AUTS2: variants seen among roughly 807,000 people sequenced by gnomAD.
The protein encoded by AUTS2 is autism susceptibility gene 2 protein.
A neutral mutation model predicts 112.4 loss-of-function variants in AUTS2; 17 were observed. That is an observed-to-expected ratio of 0.15 (90% confidence interval 0.10 to 0.23). The LOEUF is 0.23. Ranked by LOEUF, AUTS2 falls within the 10% of genes least tolerant of loss-of-function variation. The pLI is 1.00. For synonymous variants in AUTS2, 751 were observed against 702.7 expected (o/e 1.07, Z -1.09); for missense variants, 1,510 against 1,701.6 (o/e 0.89, Z 1.98).
intron 2 of AUTS2, among the ~76,000 whole-genome samples, chr7:70,085,167 A>T (rs12698845): frequency 0.099 from 15,018 of 152,150 alleles, 798 homozygotes; most frequent in East Asian, 0.12. Flanking sequence ...TGGTGAATAT[A>T]ATCTATCAAC....
At chr7:70,473,335 C>A (rs2115957581) in intron 5 of AUTS2, among the ~76,000 whole-genome samples, 1 of 152,252 alleles carries the variant, frequency 6.6e-6, no homozygotes, top group South Asian at 2.1e-4. Flanking sequence ...GGCCTGGCAA[C>A]AAACCTGCAT....
Position 70,118,245 on chromosome 7 carries a change from TAAAAAAAAAA to T in AUTS2, c.624+25_624+34del, listed in dbSNP as rs11418386. The T allele has an allele frequency of 1.2e-5, 16 of 1,323,398 alleles. No homozygotes were observed. The highest frequency in any genetic ancestry group is 1.1e-4 in the East Asian group (4 of 35,178). The allele number at this position is 1,323,398 out of a possible 1,614,324, so 82.0% of individuals were successfully genotyped here. ...AAAGGCTCAGTGATGTAAGTTTAAG[TAAAAAAAAAA>T]AAAAAAAAAAAATTAACGAAAACCA... On this transcript the variant is annotated intron_variant, in intron 3 of 18. Transcript: ENST00000342771.
chr7:69,990,647 T>A (rs1454344814), intron 2 of AUTS2, among the ~76,000 whole-genome samples: 1 of 152,228 alleles, frequency 6.6e-6, no homozygotes. Context: ...TTACATAGTT[T>A]CTGGCTTCAG....
intron 2 of AUTS2, among the ~76,000 whole-genome samples, chr7:70,108,284 A>T (rs146578707): frequency 1.2e-4 from 18 of 152,342 alleles, no homozygotes; most frequent in African/African-American, 4.3e-4. Context: ...TTGCAACCAA[A>T]GTATTTTATA....
intron 1 of AUTS2, among the ~76,000 whole-genome samples, chr7:69,788,852 T>C (rs1048188466): frequency 4.6e-5 from 7 of 151,656 alleles, no homozygotes; most frequent in African/African-American, 1.7e-4. Context: ...TCAAATACAC[T>C]GGGGAACAAA....
intron 1 of AUTS2, among the ~76,000 whole-genome samples, chr7:69,625,756 G>A (rs530579242): frequency 6.6e-6 from 1 of 152,224 alleles, no homozygotes; most frequent in South Asian, 2.1e-4. Flanking sequence ...TACTCGGGAG[G>A]CTGAGGCAGT....
intron 1 of AUTS2, among the ~76,000 whole-genome samples, chr7:69,787,934 A>G (rs747589129): frequency 2.0e-5 from 3 of 152,126 alleles, no homozygotes; most frequent in Non-Finnish European, 4.4e-5. Flanking sequence ...AATGAAGTGG[A>G]ACTTTTATTA....
intron 5 of AUTS2, among the ~76,000 whole-genome samples, chr7:70,686,654 C>T (rs979051828): frequency 6.2e-4 from 94 of 152,006 alleles, no homozygotes; most frequent in Non-Finnish European, 7.9e-4. Context: ...CCTCAGCCTC[C>T]CCCGAGAAGC....
At chr7:70,197,486 C>G (rs1810244081) in intron 4 of AUTS2, among the ~76,000 whole-genome samples, 1 of 137,120 alleles carries the variant, frequency 7.3e-6, no homozygotes, top group Non-Finnish European at 1.6e-5. Flanking sequence ...TGTGTGTGCG[C>G]ACCGTGCGCG....
rs1584115189 is a variant in AUTS2, at chr7:69,712,369, T to TA, written c.309+112408dup. On this transcript the variant is annotated intron_variant, in intron 1 of 18. Coordinates refer to ENST00000342771, the MANE Select transcript of AUTS2 (RefSeq NM_015570.4). ...TTTCTTCACGCTCCTTTGGAATACT[T>TA]ACTTCTACTTCTCTTCTTTCCTTGT... is the stretch of plus-strand genomic sequence containing the variant. Among the ~76,000 whole-genome samples, 3 of 152,336 alleles carry TA rather than the reference T, an allele frequency of 2.0e-5. No homozygotes were observed. In the East Asian group the frequency reaches 5.8e-4, roughly 29 times the overall value.
intron 2 of AUTS2, among the ~76,000 whole-genome samples, chr7:69,927,557 C>T (rs1223471717): frequency 6.6e-6 from 1 of 152,194 alleles, no homozygotes; most frequent in Non-Finnish European, 1.5e-5. Flanking sequence ...CTCATTCCTG[C>T]TGGGCTCATT....
chr7:69,787,266 C>CT (rs762963236), intron 1 of AUTS2, among the ~76,000 whole-genome samples: 1 of 152,160 alleles, frequency 6.6e-6, no homozygotes, highest in Non-Finnish European at 1.5e-5. Flanking sequence ...ATAACATAGT[C>CT]TATTTCAGGA....
intron 5 of AUTS2, among the ~76,000 whole-genome samples, chr7:70,506,230 G>T (rs79015297): frequency 2.0e-5 from 3 of 152,206 alleles, no homozygotes; most frequent in African/African-American, 7.2e-5. Flanking sequence ...AAAGAGCAGG[G>T]CAAGGGGGTG....
intron 5 of AUTS2, among the ~76,000 whole-genome samples, chr7:70,676,010 T>C (rs1320670770): frequency 6.6e-6 from 1 of 152,228 alleles, no homozygotes; most frequent in Non-Finnish European, 1.5e-5. Flanking sequence ...ATCATCATGC[T>C]GTAAAGGTTT....
intron 4 of AUTS2, among the ~76,000 whole-genome samples, chr7:70,180,948 C>T (rs1584842361): frequency 6.6e-6 from 1 of 152,100 alleles, no homozygotes; most frequent in Non-Finnish European, 1.5e-5. Context: ...TACCCACCAC[C>T]CAGCTTGAAA....
intron 6 of AUTS2, among the ~76,000 whole-genome samples, chr7:70,733,597 GT>G (rs914823716): frequency 7.6e-6 from 1 of 131,038 alleles, no homozygotes; most frequent in African/African-American, 3.0e-5. Flanking sequence ...AGTTTTTTGG[GT>G]TTTTTTGAGA....
intron 1 of AUTS2, among the ~76,000 whole-genome samples, chr7:69,620,303 G>C (rs1404935936): frequency 6.6e-6 from 1 of 152,180 alleles, no homozygotes; most frequent in Non-Finnish European, 1.5e-5. Flanking sequence ...TCATTGAAAA[G>C]ACTTAATCAG....
intron 6 of AUTS2, among the ~76,000 whole-genome samples, chr7:70,711,495 C>T (rs1038366211): frequency 6.6e-6 from 1 of 152,184 alleles, no homozygotes; most frequent in Non-Finnish European, 1.5e-5. Context: ...TCCTGGGCTT[C>T]CAAGTGACAA....
At chr7:69,608,654 GATT>G (rs1321795088) in intron 1 of AUTS2, among the ~76,000 whole-genome samples, 1 of 152,206 alleles carries the variant, frequency 6.6e-6, no homozygotes, top group African/African-American at 2.4e-5. Context: ...TTGAACATTA[GATT>G]ATTACTTGTT....
Sources: allele counts gnomAD v4.1 joint callset (sites outside exome capture counted in the v4.1 genomes callset), GRCh38; gene constraint gnomAD v4.1.1; transcripts MANE v1.5; gene names NCBI Gene and HGNC (gene_info 2026-07-23, HGNC 2026-07-21).